Variants in NPLOC4 observed in about 807,000 individuals in gnomAD.
NPLOC4 encodes the protein NPL4 homolog, ubiquitin recognition factor.
A neutral mutation model predicts 80.6 loss-of-function variants in NPLOC4; 18 were observed. The observed-to-expected ratio is 0.22, with a 90% CI of 0.15 to 0.33. The LOEUF (loss-of-function observed/expected upper bound fraction) is 0.33, where lower values mean the gene tolerates loss of function less well. Among genes scored for constraint, NPLOC4 ranks in the 10% least tolerant of loss-of-function variants. The pLI is 1.00. For synonymous variants in NPLOC4, 313 were observed against 301.5 expected, an observed-to-expected ratio of 1.04 and a Z score of -0.39; for missense variants, 540 against 786.1, an observed-to-expected ratio of 0.69 and a Z score of 3.74.
chr17:81,630,588 A>C (rs1822468317), intron 1 of NPLOC4, among the ~76,000 whole-genome samples: 1 of 152,174 alleles, frequency 6.6e-6, no homozygotes, highest in Non-Finnish European at 1.5e-5. Flanking sequence ...TCCCTAAAAA[A>C]CGTTTAAAAA....
chr17:81,606,594 C>T (rs753054835), intron 7 of NPLOC4, 97 bp downstream of exon 7: 157 of 1,286,590 alleles, frequency 1.2e-4, no homozygotes, highest in African/African-American at 1.5e-4. Flanking sequence ...AAATCCACCA[C>T]GCATAGTGCT....
chr17:81,629,837 C>A, intron 1 of NPLOC4, 32 bp from the exon 2 acceptor site: 2 of 1,507,208 alleles, frequency 1.3e-6, no homozygotes, highest in African/African-American at 2.8e-5. Flanking sequence ...GGTTACTGCA[C>A]AGCCTAGTGA....
chr17:81,617,663 C>CCCCCCCCCCCCCCCCCCCCCCCT (rs2035536057), intron 3 of NPLOC4, among the ~76,000 whole-genome samples: 1 of 134,136 alleles, frequency 7.5e-6, no homozygotes, highest in African/African-American at 2.9e-5. Flanking sequence ...CAAAAAATGC[C>CCCCCCCCCCCCCCCCCCCCCCCT]CCCCCTCCCC....
At chr17:81,571,978 T>G (rs1171184481) in intron 13 of NPLOC4, 39 bp downstream of exon 13, 2 of 1,515,990 alleles carry the variant, frequency 1.3e-6, no homozygotes, top group Non-Finnish European at 1.8e-6. Context: ...AGGCGCCCAA[T>G]GGGTCCACCT....
rs71166157 is a variant in NPLOC4, at chr17:81,574,876, A to AACACACAC, written c.1282-2796_1282-2789dup. ...AAGACTGTCTCCAAACAAACAAACA[A>AACACACAC]ACACACACACACACACACACACACA... On this transcript the variant is annotated intron_variant, in intron 12 of 16. Transcript: ENST00000331134. Among the ~76,000 whole-genome samples the AACACACAC allele has an allele frequency of 5.5e-3, 823 of 149,022 alleles. 10 individuals are homozygous for AACACACAC. The highest frequency in any genetic ancestry group is 0.019 in the African/African-American group (767 of 39,988).
intron 8 of NPLOC4, among the ~76,000 whole-genome samples, chr17:81,601,750 T>A (rs534043243): frequency 1.3e-5 from 2 of 152,258 alleles, no homozygotes; most frequent in South Asian, 4.1e-4. Context: ...AAAGGCCTCA[T>A]GAAACACTAC....
At chr17:81,625,583 C>T (rs2035774244) in intron 2 of NPLOC4, among the ~76,000 whole-genome samples, 1 of 152,106 alleles carries the variant, frequency 6.6e-6, no homozygotes, top group Admixed American at 6.6e-5. Context: ...GCAGAAGAGT[C>T]AACCTAAACA....
rs1255415869 is a variant in NPLOC4 at position 81,580,857 on chromosome 17, G to T, written c.1281+8087C>A. The stretch of plus-strand genomic sequence containing the variant: ...ATCAGGTCAGTGCTACCAAGGGCTT[G>T]GCCACCCAAACACAACAGCTCTCGC... On this transcript the variant is annotated intron_variant, in intron 12 of 16. Coordinates refer to ENST00000331134, the MANE Select transcript of NPLOC4 (RefSeq NM_017921.4). This position sits in a 1 kb window ranked among gnomAD's most constrained non-coding sequence, Gnocchi z 4.4. Among the ~76,000 whole-genome samples the T allele has an allele frequency of 6.6e-6, 1 of 152,172 alleles. No homozygotes were observed. Among genetic ancestry groups the T allele is most frequent in the Non-Finnish European group, 1.5e-5 (1 of 68,030 alleles).
chr17:81,588,139 C>T (rs780994118), intron 12 of NPLOC4: 1 of 152,100 alleles, frequency 6.6e-6, no homozygotes, highest in Admixed American at 6.6e-5. Context: ...TCCAGATCAA[C>T]GAATGTGAAG....
rs1387651399 is a variant in NPLOC4 at position 81,567,676 on chromosome 17, G to A, written c.1450-143C>T. 3.3e-6 allele frequency: 2 copies of A among 613,610 alleles called. No individual in the cohort carries two copies. Among genetic ancestry groups the A allele is most frequent in the East Asian group, 5.6e-5 (2 of 35,770 alleles). The allele number at this position is 613,610 out of a possible 1,614,324, so 38.0% of individuals were successfully genotyped here. ...CTCTGCCTCTGCAACCACGAACAGG[G>A]TCCAAGAAAGAGGAGCAGGCAGCTG... is the stretch of plus-strand genomic sequence containing the variant. On this transcript the variant is annotated intron_variant, in intron 14 of 16. Coordinates refer to ENST00000331134, the MANE Select transcript of NPLOC4 (RefSeq NM_017921.4). The surrounding 1 kb of genome is among the most constrained non-coding windows in gnomAD (Gnocchi z 4.5).
At chr17:81,588,370 CT>C (rs776504123) in intron 12 of NPLOC4, among the ~76,000 whole-genome samples, 4 of 152,150 alleles carry the variant, frequency 2.6e-5, no homozygotes, top group Non-Finnish European at 4.4e-5. Context: ...ATCTCCACCC[CT>C]ATCCTTGAGA....
chr17:81,585,943 C>A (rs999899690), intron 12 of NPLOC4, among the ~76,000 whole-genome samples: 1 of 152,156 alleles, frequency 6.6e-6, no homozygotes, highest in African/African-American at 2.4e-5. Context: ...AAGCTGAGAT[C>A]ACGCCACTGC....
At chr17:81,585,668 G>A (rs965128644) in intron 12 of NPLOC4, among the ~76,000 whole-genome samples, 1 of 145,294 alleles carries the variant, frequency 6.9e-6, no homozygotes, top group Non-Finnish European at 1.5e-5. Context: ...TTCTGGGGGG[G>A]GGGGGAAAGA....
At chr17:81,632,641 A>G (rs1030280748) in intron 1 of NPLOC4, among the ~76,000 whole-genome samples, 14 of 152,076 alleles carry the variant, frequency 9.2e-5, no homozygotes, top group African/African-American at 3.1e-4. Context: ...CATAAATTCT[A>G]TAACTATTTT....
intron 2 of NPLOC4, 91 bp downstream of exon 2, chr17:81,629,634 T>C: frequency 9.8e-7 from 1 of 1,017,874 alleles, no homozygotes; most frequent in Non-Finnish European, 1.5e-6. Flanking sequence ...ATAGGGAAAA[T>C]AAGAAAACGA....
intron 12 of NPLOC4, among the ~76,000 whole-genome samples, chr17:81,584,480 C>G (rs1280287507): frequency 6.6e-6 from 1 of 152,156 alleles, no homozygotes; most frequent in African/African-American, 2.4e-5. Flanking sequence ...ACAGCAAACT[C>G]ACAGTTAATG....
At chr17:81,610,082 A>C in intron 5 of NPLOC4, 128 bp downstream of exon 5, 2 of 738,674 alleles carry the variant, frequency 2.7e-6, no homozygotes, top group Admixed American at 2.4e-5. Flanking sequence ...GGCCCAGGGC[A>C]ATAAATAGGT....
chr17:81,608,655 C>T lies in NPLOC4; in HGVS notation c.530+73G>A, dbSNP rs1180990065. On this transcript the variant is annotated intron_variant, in intron 6 of 16. Transcript: ENST00000331134. ...TTTACTTCTCTCATTCACACGTTCA[C>T]TGGCTATAAGCAACAACTGCCAGCT... The T allele has an allele frequency of 1.0e-5, 11 of 1,081,512 alleles. No homozygotes were observed. In the African/African-American group the frequency reaches 1.7e-4, roughly 17 times the overall value. The allele number at this position is 1,081,512 out of a possible 1,614,324, so 67.0% of individuals were successfully genotyped here. A position where few individuals can be genotyped will look rare whatever the true frequency, so the allele number is the denominator to read the frequency against.
intron 11 of NPLOC4, among the ~76,000 whole-genome samples, chr17:81,590,121 C>T (rs538677253): frequency 1.3e-5 from 2 of 152,332 alleles, no homozygotes; most frequent in East Asian, 3.9e-4. Context: ...TTCCAGAAAC[C>T]TACACGGCCG....
Sources: allele counts gnomAD v4.1 joint callset (sites outside exome capture counted in the v4.1 genomes callset), GRCh38; gene constraint gnomAD v4.1.1; non-coding constraint Gnocchi (gnomAD v3.1); transcripts MANE v1.5; gene names NCBI Gene and HGNC (gene_info 2026-07-23, HGNC 2026-07-21).